DNAH3: variants seen among roughly 807,000 people sequenced by gnomAD.
DNAH3 encodes dynein axonemal heavy chain 3.
In DNAH3, 332 loss-of-function variants were observed where a neutral mutation model predicts 432.5. The observed-to-expected ratio is 0.77, with a 90% confidence interval of 0.70 to 0.84. The LOEUF is 0.84. Among genes scored for constraint, DNAH3 ranks in the 40% least tolerant of loss-of-function variants. DNAH3 has a pLI of 0.00. For synonymous variants in DNAH3, 1,956 were observed against 1,900.2 expected (o/e 1.03, Z -0.76); for missense variants, 4,861 against 5,114.0 (o/e 0.95, Z 1.51).
intron 37 of DNAH3, among the ~76,000 whole-genome samples, chr16:21,029,643 A>G (rs1799267167): frequency 6.6e-6 from 1 of 152,186 alleles, no homozygotes; most frequent in South Asian, 2.1e-4. Context: ...TCTTTTAGCC[A>G]CCATACATAC....
intron 3 of DNAH3, among the ~76,000 whole-genome samples, chr16:21,142,071 T>C (rs2092726321): frequency 6.9e-6 from 1 of 144,720 alleles, no homozygotes; most frequent in African/African-American, 2.6e-5. Flanking sequence ...ATAAATAAAA[T>C]AAAAAATAAA....
intron 10 of DNAH3, among the ~76,000 whole-genome samples, chr16:21,121,506 C>T (rs1408229439): frequency 6.6e-6 from 1 of 151,744 alleles, no homozygotes; most frequent in Non-Finnish European, 1.5e-5. Context: ...ATTATTAACC[C>T]ACAGATATGG....
intron 3 of DNAH3, 68 bp from the exon 5 acceptor site, chr16:21,141,440 G>A: frequency 8.4e-7 from 1 of 1,192,946 alleles, no homozygotes. Context: ...GTCCACAGGG[G>A]CATGACTCTC....
intron 49 of DNAH3, among the ~76,000 whole-genome samples, chr16:20,979,906 C>G (rs578081744): frequency 2.0e-5 from 3 of 152,108 alleles, no homozygotes; most frequent in Admixed American, 6.6e-5. Context: ...TGTGCCACCA[C>G]GCCCAGCTAA....
At position 20,997,400 on chromosome 16, in the gene DNAH3, G is replaced by C. The variant is rs146975901; in HGVS notation, c.6484C>G (p.Gln2162Glu). The C allele has an allele frequency of 6.3e-5, 101 of 1,614,212 alleles. No homozygotes were observed. In the African/African-American group the frequency reaches 1.2e-3, roughly 19 times the overall value. ...AACCAGTAACCATGGTCAATCCACT[G>C]CCTCAGGAGCTCGATGGGTGGCTGG... is the stretch of plus-strand genomic sequence containing the variant. Residue 2162 changes from glutamine to glutamate, a missense_variant, in exon 44 of 62, where the codon CAG becomes GAG. Gln to Glu is a conservative substitution (Grantham distance 29). Transcript: ENST00000261383.
chr16:20,947,542 T>G (rs995271458), intron 57 of DNAH3, among the ~76,000 whole-genome samples: 2 of 152,066 alleles, frequency 1.3e-5, no homozygotes, highest in Non-Finnish European at 2.9e-5. Context: ...GACTGAGCCC[T>G]CAACCCGTGG....
chr16:21,084,574 G>A (rs908278793), intron 19 of DNAH3, among the ~76,000 whole-genome samples: 5 of 152,032 alleles, frequency 3.3e-5, no homozygotes, highest in Non-Finnish European at 7.4e-5. Context: ...CACTTGCCTC[G>A]GCCTCTCAAA....
intron 33 of DNAH3, 129 bp downstream of exon 33, chr16:21,039,723 C>T: frequency 5.1e-6 from 4 of 783,232 alleles, no homozygotes; most frequent in South Asian, 4.3e-5. Context: ...CTCAGACCAC[C>T]CAGTAAGCAG....
chr16:21,067,041 G>C (rs945282819), intron 24 of DNAH3, among the ~76,000 whole-genome samples: 3 of 152,160 alleles, frequency 2.0e-5, no homozygotes, highest in Non-Finnish European at 2.9e-5. Flanking sequence ...CCCGTAATTA[G>C]GAAAAATAAC....
intron 31 of DNAH3, among the ~76,000 whole-genome samples, chr16:21,045,165 G>A (rs1475962195): frequency 6.6e-6 from 1 of 150,524 alleles, no homozygotes; most frequent in Non-Finnish European, 1.5e-5. Context: ...CCTGGCTTTG[G>A]TATCAGAATG....
chr16:21,023,009 A>G (rs2088330872), intron 39 of DNAH3, among the ~76,000 whole-genome samples: 1 of 152,108 alleles, frequency 6.6e-6, no homozygotes, highest in Admixed American at 6.6e-5. Flanking sequence ...CAGCCTCCCA[A>G]AGTGCTGGGA....
In DNAH3 at chr16:20,964,318, AC is replaced by A; in HGVS notation, c.9565del (p.Val3189SerfsTer7). Reference sequence around the variant, plus strand: ...GGTGATCATGAAGTTGAGGAGACAGACCTTCACGGCAACTTCTGGGAGGTAA... The same window carrying A: ...GGTGATCATGAAGTTGAGGAGACAGACTTCACGGCAACTTCTGGGAGGTAA... On this transcript the variant is annotated frameshift_variant, in exon 53 of 62. Transcript: ENST00000261383. LOFTEE classifies it high-confidence loss of function. 10 of 1,614,140 alleles carry A rather than the reference AC, an allele frequency of 6.2e-6. No individual in the cohort carries two copies. In the Middle Eastern group the frequency reaches 1.6e-3, roughly 266 times the overall value.
intron 10 of DNAH3, chr16:21,120,950 C>T (rs1255768431): frequency 6.8e-6 from 6 of 879,484 alleles, no homozygotes; most frequent in Non-Finnish European, 1.1e-5. Context: ...TGTTTCTTCT[C>T]CTCCCACACA....
chr16:21,125,039 C>T lies in DNAH3; in HGVS notation c.1404+136G>A, dbSNP rs777223599. 211 of 616,680 alleles carry T rather than the reference C, an allele frequency of 3.4e-4. 2 individuals are homozygous for T. Among genetic ancestry groups the T allele is most frequent in the Admixed American group, 4.4e-4 (14 of 31,796 alleles). 38.2% of individuals were successfully genotyped at this position (616,680 alleles called of 1,614,324 possible). On this transcript the variant is annotated intron_variant, in intron 9 of 61. Coordinates refer to ENST00000261383, the Ensembl canonical transcript of DNAH3. ...AGACATTTTTATAAACTAACAACTG[C>T]CTGATGTGGGTGGAAGTCAAGCATT...
intron 1 of DNAH3, among the ~76,000 whole-genome samples, chr16:21,151,353 C>T (rs1483085428): frequency 7.0e-6 from 1 of 142,822 alleles, no homozygotes; most frequent in Non-Finnish European, 1.5e-5. Context: ...CAGAGTCTTG[C>T]TCTGTTGCCC....
chr16:20,997,098 C>A, intron 44 of DNAH3, 185 bp downstream of exon 44: 1 of 575,490 alleles, frequency 1.7e-6, no homozygotes, highest in Non-Finnish European at 3.0e-6. Flanking sequence ...ATCTTCTTGC[C>A]ATCGTCCCCT....
At chr16:21,109,512 T>C (rs2092021808) in intron 14 of DNAH3, among the ~76,000 whole-genome samples, 1 of 152,218 alleles carries the variant, frequency 6.6e-6, no homozygotes, top group African/African-American at 2.4e-5. Context: ...AAACTTATAG[T>C]ACTATAAAAT....
intron 20 of DNAH3, 48 bp downstream of exon 20, chr16:21,081,588 C>T (rs746757352): frequency 1.1e-5 from 17 of 1,495,938 alleles, no homozygotes; most frequent in Non-Finnish European, 1.6e-5. Flanking sequence ...TGGGAACTTA[C>T]AGATCCTTTG....
chr16:21,138,821 A>AAC (rs1335745311), intron 5 of DNAH3, among the ~76,000 whole-genome samples: 1 of 151,458 alleles, frequency 6.6e-6, no homozygotes, highest in Non-Finnish European at 1.5e-5. Context: ...TAAAAAAAAA[A>AAC]AACAACACAG....
Sources: allele counts gnomAD v4.1 joint callset (sites outside exome capture counted in the v4.1 genomes callset), GRCh38; gene constraint gnomAD v4.1.1; transcripts MANE v1.5; gene names NCBI Gene and HGNC (gene_info 2026-07-23, HGNC 2026-07-21).